The following PTPRM variants were observed in gnomAD, a reference collection of about 807,000 sequenced individuals.
The protein encoded by PTPRM is receptor-type tyrosine-protein phosphatase mu.
PTPRM carries 47 observed loss-of-function variants against 186.7 expected under a neutral mutation model. The observed-to-expected ratio is 0.25, with a 90% CI of 0.20 to 0.32. The LOEUF (loss-of-function observed/expected upper bound fraction) is 0.32. PTPRM is among the 10% of genes least tolerant of loss of function. PTPRM has a pLI of 1.00. For missense variants in PTPRM, 1,494 were observed against 1,865.0 expected (o/e 0.80, Z 3.66); for synonymous variants, 668 against 674.9 (o/e 0.99, Z 0.16).
intron 1 of PTPRM, among the ~76,000 whole-genome samples, chr18:7,704,237 A>G (rs148027230): frequency 2.8e-4 from 43 of 152,216 alleles, no homozygotes; most frequent in African/African-American, 1.0e-3. Context: ...GAATAGTTCC[A>G]GAAGGAATGG....
chr18:7,572,501 A>C (rs2036588249), intron 1 of PTPRM, among the ~76,000 whole-genome samples: 1 of 152,216 alleles, frequency 6.6e-6, no homozygotes, highest in African/African-American at 2.4e-5. Context: ...TGTATACAGT[A>C]GAGGAACTAT....
At position 8,402,833 on chromosome 18, in the gene PTPRM, T is replaced by C. The variant is rs576840306; in HGVS notation, c.4345-3276T>C. The C allele has an allele frequency of 4.6e-5, 7 of 152,352 alleles. No individual in the cohort carries two copies. The East Asian group carries it at 1.3e-3, about 29-fold the overall frequency. 9.4% of individuals were successfully genotyped at this position (152,352 alleles called of 1,614,324 possible). A position where few individuals can be genotyped will look rare whatever the true frequency, so the allele number is the denominator to read the frequency against. On this transcript the variant is annotated intron_variant, in intron 32 of 32. Transcript: ENST00000580170. ...TTGCCCAGGGCAAGAAATAATTTTTTCCAGTTAAAAAGTTAAAAAAATACT... is the reference window on the plus strand; with the variant it reads ...TTGCCCAGGGCAAGAAATAATTTTTCCCAGTTAAAAAGTTAAAAAAATACT...
intron 14 of PTPRM, among the ~76,000 whole-genome samples, chr18:8,239,329 G>T (rs1448580887): frequency 6.6e-6 from 1 of 151,882 alleles, no homozygotes; most frequent in Non-Finnish European, 1.5e-5. Flanking sequence ...TTAAGAGCAG[G>T]CTTTGTTAAG....
intron 13 of PTPRM, among the ~76,000 whole-genome samples, chr18:8,120,600 GTCC>G (rs2092135647): frequency 6.6e-6 from 1 of 150,758 alleles, no homozygotes. Context: ...TGTTCAAGCA[GTCC>G]TCCTGCCTCA....
At chr18:7,907,335 G>A (rs924131792) in intron 4 of PTPRM, among the ~76,000 whole-genome samples, 2 of 152,174 alleles carry the variant, frequency 1.3e-5, no homozygotes, top group African/African-American at 4.8e-5. Flanking sequence ...AGCAGAAAAG[G>A]CATCCTGTTG....
At chr18:8,215,604 A>C (rs1215561327) in intron 14 of PTPRM, among the ~76,000 whole-genome samples, 1 of 125,460 alleles carries the variant, frequency 8.0e-6, no homozygotes, top group Non-Finnish European at 1.6e-5. Context: ...GTGCAGTGGT[A>C]TGATCTCAGC....
At chr18:7,632,398 T>C (rs2038213211) in intron 1 of PTPRM, among the ~76,000 whole-genome samples, 1 of 152,212 alleles carries the variant, frequency 6.6e-6, no homozygotes. Context: ...AAAATTAGAA[T>C]TGGAACTTGC....
intron 3 of PTPRM, among the ~76,000 whole-genome samples, chr18:7,889,415 C>T (rs2048955448): frequency 6.7e-6 from 1 of 149,110 alleles, no homozygotes; most frequent in Admixed American, 6.7e-5. Context: ...CAATTCACTC[C>T]AGCCTCAAAC....
chr18:8,394,030 G>A (rs1393474441), intron 31 of PTPRM, among the ~76,000 whole-genome samples: 1 of 152,168 alleles, frequency 6.6e-6, no homozygotes, highest in African/African-American at 2.4e-5. Flanking sequence ...CTGACCTCGT[G>A]ATCCACCCAC....
chr18:7,736,863 CTTG>C (rs1341344593), intron 1 of PTPRM, among the ~76,000 whole-genome samples: 1 of 152,150 alleles, frequency 6.6e-6, no homozygotes, highest in Admixed American at 6.5e-5. Flanking sequence ...GTCTTATTTC[CTTG>C]TTGTTTTTTC....
chr18:8,283,806 C>T lies in PTPRM; in HGVS notation c.2755-12562C>T, dbSNP rs148220857. 4.4e-3 allele frequency among the ~76,000 whole-genome samples: 658 copies of T among 150,774 alleles called. 4 individuals are homozygous for T. The highest frequency in any genetic ancestry group is 0.015 in the African/African-American group (632 of 41,094). ...GCTAATTTTTTTTTTTATTTTTAGT[C>T]GAGGTGGGGTCTCGCTATGTTGCCC... On this transcript the variant is annotated intron_variant, in intron 19 of 32. Coordinates refer to ENST00000580170, the MANE Select transcript of PTPRM (RefSeq NM_001105244.2).
chr18:8,289,551 C>CGT lies in PTPRM; in HGVS notation c.2755-6817_2755-6816insGT, dbSNP rs1555845699. Among the ~76,000 whole-genome samples the CGT allele has an allele frequency of 3.7e-4, 29 of 77,696 alleles. 1 individual carries two copies. Among genetic ancestry groups the CGT allele is most frequent in the Middle Eastern group, 6.9e-3 (1 of 144 alleles). 51.0% of individuals were successfully genotyped at this position (77,696 alleles called of 152,430 possible). ...ATATATATACACATATATATATATA[C>CGT]ATATATATACACATATATATATATA... On this transcript the variant is annotated intron_variant, in intron 19 of 32. Transcript: ENST00000580170.
At chr18:7,817,049 AC>A (rs1404880159) in intron 2 of PTPRM, among the ~76,000 whole-genome samples, 1 of 146,504 alleles carries the variant, frequency 6.8e-6, no homozygotes, top group Non-Finnish European at 1.5e-5. Context: ...ATCTCGGCTC[AC>A]TGCAACCTCT....
chr18:7,679,646 CAG>C (rs1192916262), intron 1 of PTPRM, among the ~76,000 whole-genome samples: 2 of 152,090 alleles, frequency 1.3e-5, no homozygotes, highest in African/African-American at 4.8e-5. Flanking sequence ...GCCTCGGCGA[CAG>C]AGTGAGACTC....
chr18:7,919,081 T>C (rs1192448469), intron 4 of PTPRM, among the ~76,000 whole-genome samples: 1 of 152,152 alleles, frequency 6.6e-6, no homozygotes, highest in Non-Finnish European at 1.5e-5. Context: ...CTTAGCACCT[T>C]TGTCAAAGAC....
At chr18:8,376,822 C>G in intron 26 of PTPRM, 1 of 511,476 alleles carries the variant, frequency 2.0e-6, no homozygotes, top group Non-Finnish European at 3.3e-6. Context: ...GAATCAAGAG[C>G]CCAAATTTGC....
chr18:8,385,801 G>A (rs937118766), intron 30 of PTPRM, among the ~76,000 whole-genome samples: 1 of 152,210 alleles, frequency 6.6e-6, no homozygotes, highest in Non-Finnish European at 1.5e-5. Flanking sequence ...GAGCACTCTG[G>A]CACCTGTGTT....
chr18:8,305,961 G>A (rs763489278), intron 20 of PTPRM, among the ~76,000 whole-genome samples: 19 of 151,486 alleles, frequency 1.3e-4, no homozygotes, highest in Non-Finnish European at 2.4e-4. Context: ...GCAATGGTGC[G>A]ATCTCAGCTC....
chr18:7,966,628 G>A (rs900316956), intron 7 of PTPRM, among the ~76,000 whole-genome samples: 1 of 148,668 alleles, frequency 6.7e-6, no homozygotes, highest in Non-Finnish European at 1.5e-5. Flanking sequence ...GCAGGGCGAG[G>A]CATTGCCTCA....
Sources: allele counts gnomAD v4.1 joint callset (sites outside exome capture counted in the v4.1 genomes callset), GRCh38; gene constraint gnomAD v4.1.1; transcripts MANE v1.5; gene names NCBI Gene and HGNC (gene_info 2026-07-23, HGNC 2026-07-21).